The following LIPC variants were observed in gnomAD, a reference collection of about 807,000 sequenced individuals.
The protein encoded by LIPC is lipase C, hepatic type.
Under a neutral mutation model 50.7 loss-of-function variants are expected in LIPC, and 44 were observed. The observed-to-expected ratio is 0.87, with a 90% confidence interval of 0.68 to 1.11. The LOEUF is 1.11. Ranked by LOEUF, LIPC falls within the 50% of genes most tolerant of loss-of-function variation. The pLI, the probability that LIPC is intolerant of heterozygous loss-of-function variation, is 0.00. For missense variants in LIPC, 697 were observed against 648.2 expected, an observed-to-expected ratio of 1.08 and a Z score of -0.82; for synonymous variants, 271 against 256.4, an observed-to-expected ratio of 1.06 and a Z score of -0.54.
chr15:58,506,785 G>T (rs918604496), intron 1 of LIPC, among the ~76,000 whole-genome samples: 121 of 152,280 alleles, frequency 7.9e-4, no homozygotes, highest in African/African-American at 2.8e-3. Flanking sequence ...AGGTGTGGGG[G>T]TGTGTTAGTC....
chr15:58,569,435 A>G lies in LIPC; in HGVS notation c.*608A>G, dbSNP rs1425067122. ...GAAAGCTAGACATGTGGTCATTTTAATAATGGAATTACAAATTAAATAAAC... is the reference window on the plus strand; with the variant it reads ...GAAAGCTAGACATGTGGTCATTTTAGTAATGGAATTACAAATTAAATAAAC... On this transcript the variant is annotated 3_prime_UTR_variant, in exon 9 of 9. Transcript: ENST00000299022. The G allele has an allele frequency of 1.3e-5, 2 of 152,220 alleles. No individual in the cohort carries two copies. Among genetic ancestry groups the G allele is most frequent in the Non-Finnish European group, 2.9e-5 (2 of 68,038 alleles). 9.4% of individuals were successfully genotyped at this position (152,220 alleles called of 1,614,324 possible). A position where few individuals can be genotyped will look rare whatever the true frequency, so the allele number is the denominator to read the frequency against.
At position 58,562,480 on chromosome 15, in the gene LIPC, C is replaced by G. The variant is rs536162399; in HGVS notation, c.1170-1025C>G. Reference sequence around the variant, plus strand: ...GCCAGCCTCCCCATCTGTCCTTCACCCTGTTACCCACCTGCTCACTCTGAG... The same window carrying G: ...GCCAGCCTCCCCATCTGTCCTTCACGCTGTTACCCACCTGCTCACTCTGAG... On this transcript the variant is annotated intron_variant, in intron 7 of 8. Coordinates refer to ENST00000299022, the MANE Select transcript of LIPC (RefSeq NM_000236.3). Among the ~76,000 whole-genome samples the G allele has an allele frequency of 1.7e-4, 26 of 152,272 alleles. No individual in the cohort carries two copies. In the South Asian group the frequency reaches 5.4e-3, roughly 32 times the overall value.
chr15:58,457,406 G>A lies in LIPC; in HGVS notation c.88+25286G>A, dbSNP rs144672615. 4.6e-4 allele frequency among the ~76,000 whole-genome samples: 70 copies of A among 152,310 alleles called. No individual in the cohort carries two copies. In the East Asian group the frequency reaches 6.8e-3, roughly 15 times the overall value. On this transcript the variant is annotated intron_variant, in intron 1 of 8. Transcript: ENST00000299022. ...ATTACAGGCGTGAGCCACCGCGCCCGGCAGACATGACGTATTCTAAGCACT... is the reference window on the plus strand; with the variant it reads ...ATTACAGGCGTGAGCCACCGCGCCCAGCAGACATGACGTATTCTAAGCACT...
intron 6 of LIPC, among the ~76,000 whole-genome samples, chr15:58,559,982 T>A (rs539161054): frequency 6.6e-6 from 1 of 152,348 alleles, no homozygotes; most frequent in African/African-American, 2.4e-5. Context: ...CTTTCATCTA[T>A]CTGAGCTCCA....
At chr15:58,554,777 C>A (rs1893877889) in intron 6 of LIPC, among the ~76,000 whole-genome samples, 1 of 152,086 alleles carries the variant, frequency 6.6e-6, no homozygotes, top group South Asian at 2.1e-4. Flanking sequence ...GGAACTAGTT[C>A]TCAGCAGGAA....
At chr15:58,449,825 T>G (rs1893839400) in intron 1 of LIPC, among the ~76,000 whole-genome samples, 1 of 152,178 alleles carries the variant, frequency 6.6e-6, no homozygotes, top group South Asian at 2.1e-4. Flanking sequence ...CAGACAGGTG[T>G]GAGCCACCAT....
chr15:58,461,615 A>G (rs1371785169), intron 1 of LIPC, among the ~76,000 whole-genome samples: 1 of 149,178 alleles, frequency 6.7e-6, no homozygotes, highest in African/African-American at 2.5e-5. Context: ...ATGGAGTTTC[A>G]CCACATTGGC....
intron 1 of LIPC, among the ~76,000 whole-genome samples, chr15:58,463,078 G>A (rs1039939299): frequency 6.6e-6 from 1 of 152,214 alleles, no homozygotes; most frequent in Non-Finnish European, 1.5e-5. Context: ...CAGCACTGGG[G>A]GTGTGTGGCT....
At chr15:58,457,677 G>A (rs1315736377) in intron 1 of LIPC, among the ~76,000 whole-genome samples, 1 of 152,142 alleles carries the variant, frequency 6.6e-6, no homozygotes, top group Non-Finnish European at 1.5e-5. Flanking sequence ...CACTATTATT[G>A]TGTTTATTCT....
chr15:58,461,582 A>ATT (rs34329800), intron 1 of LIPC, among the ~76,000 whole-genome samples: 61 of 141,094 alleles, frequency 4.3e-4, no homozygotes, highest in East Asian at 3.9e-3. Context: ...CTAATTTTTG[A>ATT]TTTTTTTTTT....
At chr15:58,456,537 TGGAG>T (rs1481205203) in intron 1 of LIPC, among the ~76,000 whole-genome samples, 1 of 152,220 alleles carries the variant, frequency 6.6e-6, no homozygotes, top group Non-Finnish European at 1.5e-5. Flanking sequence ...CAGAGGCCCC[TGGAG>T]GGAGGTGCTG....
At chr15:58,517,978 C>A (rs1892534924) in intron 1 of LIPC, among the ~76,000 whole-genome samples, 1 of 152,218 alleles carries the variant, frequency 6.6e-6, no homozygotes, top group Admixed American at 6.5e-5. Flanking sequence ...TGGTCAAGAG[C>A]TCTATTCATT....
intron 1 of LIPC, among the ~76,000 whole-genome samples, chr15:58,519,917 C>T (rs146936881): frequency 5.6e-4 from 85 of 152,220 alleles, no homozygotes; most frequent in African/African-American, 1.9e-3. Flanking sequence ...CCGTTATCTT[C>T]GCTGCTATTT....
chr15:58,515,294 A>T (rs1458799431), intron 1 of LIPC, among the ~76,000 whole-genome samples: 1 of 152,202 alleles, frequency 6.6e-6, no homozygotes, highest in African/African-American at 2.4e-5. Flanking sequence ...GGAGGTGGTC[A>T]TTATTCAGCC....
At chr15:58,567,326 T>C (rs1207935990) in intron 8 of LIPC, among the ~76,000 whole-genome samples, 969 of 20,734 alleles carry the variant, frequency 0.047, 21 homozygotes, top group African/African-American at 0.15. Context: ...TATATGTGTA[T>C]ATATATATAT....
intron 1 of LIPC, among the ~76,000 whole-genome samples, chr15:58,535,911 T>C (rs560611432): frequency 6.6e-6 from 1 of 152,310 alleles, no homozygotes; most frequent in East Asian, 1.9e-4. Flanking sequence ...TTAGGTCCAA[T>C]GTATAAATGG....
At chr15:58,561,238 T>C (rs1296065583) in intron 7 of LIPC, among the ~76,000 whole-genome samples, 2 of 152,178 alleles carry the variant, frequency 1.3e-5, no homozygotes, top group Non-Finnish European at 2.9e-5. Flanking sequence ...TTATACATTA[T>C]AGGAAGATAT....
intron 4 of LIPC, among the ~76,000 whole-genome samples, chr15:58,545,239 CT>C (rs1277624679): frequency 0.021 from 3,042 of 146,516 alleles, 110 homozygotes; most frequent in African/African-American, 0.071. Flanking sequence ...AACCTTATTC[CT>C]TTTTTTTTTT....
intron 1 of LIPC, among the ~76,000 whole-genome samples, chr15:58,530,124 T>G (rs1429350158): frequency 1.3e-5 from 2 of 152,244 alleles, no homozygotes; most frequent in African/African-American, 4.8e-5. Flanking sequence ...TACAGGTTGT[T>G]TGAAATGCAG....
Sources: gnomAD v4.1 joint callset for allele counts (sites outside exome capture counted in the v4.1 genomes callset) on GRCh38, gnomAD v4.1.1 for gene constraint, MANE v1.5 for transcripts, NCBI Gene and HGNC (gene_info 2026-07-23, HGNC 2026-07-21) for gene names.